Variants in YBX3 observed in about 807,000 individuals in gnomAD.
YBX3 encodes the protein Y-box binding protein 3.
YBX3 carries 29 observed loss-of-function variants against 42.4 expected under a neutral mutation model. That is an observed-to-expected ratio of 0.68 (90% CI 0.51 to 0.93). The LOEUF is 0.93. YBX3 is among the 40% of genes least tolerant of loss of function. The probability of loss-of-function intolerance (pLI) is 0.00; values close to 1 mark genes in which losing one functional copy is unlikely to be tolerated. For missense variants in YBX3, 517 were observed against 527.5 expected (o/e 0.98, Z 0.19); for synonymous variants, 195 against 189.8 (o/e 1.03, Z -0.22).
intron 6 of YBX3, among the ~76,000 whole-genome samples, chr12:10,709,632 CTT>C (rs1035146604): frequency 6.6e-6 from 1 of 152,182 alleles, no homozygotes; most frequent in African/African-American, 2.4e-5. Flanking sequence ...TTCCACCTGT[CTT>C]GTTACCTTAA....
chr12:10,720,371 CA>C (rs1264854282), intron 1 of YBX3, among the ~76,000 whole-genome samples: 2 of 151,520 alleles, frequency 1.3e-5, no homozygotes, highest in South Asian at 2.1e-4. Flanking sequence ...AAATCCAAAA[CA>C]AAAAAAACAT....
chr12:10,717,637 TCTTA>T (rs1213799507), intron 3 of YBX3: 1 of 152,546 alleles, frequency 6.6e-6, no homozygotes, highest in Admixed American at 6.5e-5. Context: ...AGTTTTCTCA[TCTTA>T]CTATCTGCTT....
chr12:10,723,182 C>CG lies in YBX3; in HGVS notation c.-72dup. On this transcript the variant is annotated 5_prime_UTR_variant, in exon 1 of 10. Coordinates refer to ENST00000228251, the MANE Select transcript of YBX3 (RefSeq NM_003651.5). ...GTCGGCGGTTAGCGCGGCTGGTGGTCGCGGCGGCCGGGGCTCGCTCTCGGG... is the reference window on the plus strand; with the variant it reads ...GTCGGCGGTTAGCGCGGCTGGTGGTCGGCGGCGGCCGGGGCTCGCTCTCGGG... 1 of 1,181,500 alleles carries CG rather than the reference C, an allele frequency of 8.5e-7. No homozygotes were observed. Among genetic ancestry groups the CG allele is most frequent in the Non-Finnish European group, 1.0e-6 (1 of 955,840 alleles). The allele number at this position is 1,181,500 out of a possible 1,614,324, so 73.2% of individuals were successfully genotyped here.
intron 1 of YBX3, chr12:10,721,955 T>A (rs1948331310): frequency 6.6e-6 from 1 of 152,252 alleles, no homozygotes; most frequent in South Asian, 2.1e-4. Context: ...CCAACAACCA[T>A]CACAGAAACC....
In YBX3 at chr12:10,713,271, A is replaced by G. The variant is rs768237041; in HGVS notation, c.513T>C (p.Ala171=). 4 of 1,614,096 alleles carry G rather than the reference A, an allele frequency of 2.5e-6. No individual in the cohort carries two copies. Among genetic ancestry groups the G allele is most frequent in the East Asian group, 4.5e-5 (2 of 44,870 alleles). The change falls in exon 5 of 10, where the codon GCT becomes GCC. Residue 171 remains alanine, a synonymous_variant. Transcript: ENST00000228251. ...CACGTCTGTAACGGCGCCGATCTGCAGCGTAACGACTCCCTTCCACAGGAA... is the reference window on the plus strand; with the variant it reads ...CACGTCTGTAACGGCGCCGATCTGCGGCGTAACGACTCCCTTCCACAGGAA... ...DGVPVEGSRY[A]ADRRRYRRGY...
chr12:10,700,703 G>C (rs768436290), intron 9 of YBX3, among the ~76,000 whole-genome samples: 3 of 152,026 alleles, frequency 2.0e-5, no homozygotes, highest in Non-Finnish European at 2.9e-5. Flanking sequence ...ATTTTTACCA[G>C]TAGCAGATAG....
intron 5 of YBX3, chr12:10,712,967 C>G (rs1948216342): frequency 4.3e-6 from 2 of 463,398 alleles, no homozygotes; most frequent in Admixed American, 4.1e-5. Flanking sequence ...ACCAAAATCT[C>G]AGAAATCACC....
At chr12:10,712,147 A>G (rs1198532475) in intron 5 of YBX3, 1 of 152,230 alleles carries the variant, frequency 6.6e-6, no homozygotes, top group South Asian at 2.1e-4. Context: ...CTATCAAAAC[A>G]TAAAGATAGG....
In YBX3 at chr12:10,705,384, C is replaced by T. The variant is rs139629699; in HGVS notation, c.781-1236G>A. ...CTGGGATTACAGGCATGAGCCACCA[C>T]GTTGGTTTTCATGACCCTGATACTT... On this transcript the variant is annotated intron_variant, in intron 6 of 9. Coordinates refer to ENST00000228251, the MANE Select transcript of YBX3 (RefSeq NM_003651.5). 2.7e-3 allele frequency among the ~76,000 whole-genome samples: 414 copies of T among 152,298 alleles called. 2 individuals are homozygous for T. Among genetic ancestry groups the T allele is most frequent in the Admixed American group, 4.8e-3 (74 of 15,310 alleles).
At chr12:10,717,975 A>C in intron 3 of YBX3, 113 bp downstream of exon 3, 1 of 866,864 alleles carries the variant, frequency 1.2e-6, no homozygotes, top group South Asian at 2.7e-5. Context: ...TAAATCACAG[A>C]AAGAGTTTAG....
chr12:10,702,507 C>T (rs535266237), intron 7 of YBX3: 115 of 153,398 alleles, frequency 7.5e-4, no homozygotes, highest in Non-Finnish European at 1.4e-3. Flanking sequence ...CAGAGGGAGA[C>T]TCCATCTCAA....
At chr12:10,700,736 C>T (rs1469280108) in intron 9 of YBX3, among the ~76,000 whole-genome samples, 1 of 152,078 alleles carries the variant, frequency 6.6e-6, no homozygotes, top group Non-Finnish European at 1.5e-5. Flanking sequence ...GGATAAACTG[C>T]TCAAGATCAC....
At position 10,719,068 on chromosome 12, in the gene YBX3, A is replaced by G. The variant is rs33016; in HGVS notation, c.326+12T>C. 0.99 allele frequency: 1,591,612 copies of G among 1,610,702 alleles called. 787,226 individuals are homozygous for G. The highest frequency in any genetic ancestry group is 1 in the Non-Finnish European group (1,176,447 of 1,177,534). On this transcript the variant is annotated intron_variant, in intron 2 of 9. Transcript: ENST00000228251. ...ATAAACTTAAAACATGCAAATATAC[A>G]CACACACATACCGATTTATAAATCC...
At chr12:10,709,318 T>G (rs1354638420) in intron 6 of YBX3, among the ~76,000 whole-genome samples, 1 of 152,208 alleles carries the variant, frequency 6.6e-6, no homozygotes, top group Non-Finnish European at 1.5e-5. Context: ...TCAAAACAGC[T>G]GTACTAATAT....
At chr12:10,705,502 A>G (rs1268114943) in intron 6 of YBX3, among the ~76,000 whole-genome samples, 1 of 152,172 alleles carries the variant, frequency 6.6e-6, no homozygotes, top group Non-Finnish European at 1.5e-5. Context: ...TTGCATCCCC[A>G]GGGGGATGTC....
chr12:10,709,281 G>A (rs1003815566), intron 6 of YBX3, among the ~76,000 whole-genome samples: 1 of 152,196 alleles, frequency 6.6e-6, no homozygotes, highest in Non-Finnish European at 1.5e-5. Context: ...CAAAATTGAT[G>A]TAAGGTTTAT....
chr12:10,701,852 A>G (rs2305850), intron 8 of YBX3, 108 bp downstream of exon 8: 389,478 of 1,297,112 alleles, frequency 0.3, 62,446 homozygotes, highest in East Asian at 0.61. Context: ...AAATGTTTTT[A>G]TATTTGTTAA....
chr12:10,718,159 C>T (rs763695879), intron 2 of YBX3, 38 bp from the exon 3 acceptor site: 30 of 1,594,104 alleles, frequency 1.9e-5, no homozygotes, highest in Admixed American at 5.2e-5. Context: ...AAAGGTAGTA[C>T]GTATGTGGAA....
At position 10,723,237 on chromosome 12, in the gene YBX3, G is replaced by A. The variant is rs1050935318; in HGVS notation, c.-126C>T. 2 of 1,167,752 alleles carry A rather than the reference G, an allele frequency of 1.7e-6. No homozygotes were observed. Among genetic ancestry groups the A allele is most frequent in the Middle Eastern group, 3.5e-4 (1 of 2,870 alleles). The allele number at this position is 1,167,752 out of a possible 1,614,324, so 72.3% of individuals were successfully genotyped here. A position where few individuals can be genotyped will look rare whatever the true frequency, so the allele number is the denominator to read the frequency against. On this transcript the variant is annotated 5_prime_UTR_variant, in exon 1 of 10. Coordinates refer to ENST00000228251, the MANE Select transcript of YBX3 (RefSeq NM_003651.5). ...CCGGGGCGGATCTCGCGGCGCAGGC[G>A]GCGGCGGCCGAGGTGGGGTCGCGCG...
Sources: gnomAD v4.1 joint callset for allele counts (sites outside exome capture counted in the v4.1 genomes callset) on GRCh38, gnomAD v4.1.1 for gene constraint, MANE v1.5 for transcripts, NCBI Gene and HGNC (gene_info 2026-07-23, HGNC 2026-07-21) for gene names.